Variants in MACROD2 observed in about 807,000 individuals in gnomAD.
MACROD2 encodes the protein ADP-ribose glycohydrolase MACROD2.
A neutral mutation model predicts 70.4 loss-of-function variants in MACROD2; 36 were observed. The observed-to-expected ratio is 0.51, with a 90% CI of 0.39 to 0.68. The LOEUF is 0.68. Ranked by LOEUF, MACROD2 falls within the 30% of genes least tolerant of loss-of-function variation. The pLI is 0.00. For synonymous variants in MACROD2, 172 were observed against 178.8 expected (o/e 0.96, Z 0.30); for missense variants, 496 against 538.4 (o/e 0.92, Z 0.78).
chr20:15,655,170 C>T (rs754392379), intron 8 of MACROD2, among the ~76,000 whole-genome samples: 2 of 151,672 alleles, frequency 1.3e-5, no homozygotes, highest in Non-Finnish European at 2.9e-5. Flanking sequence ...GTGTAAAACA[C>T]ATTCTCAAAA....
In MACROD2 at chr20:15,854,094, G is replaced by A. The variant is rs149683372; in HGVS notation, c.646-8651G>A. On this transcript the variant is annotated intron_variant, in intron 8 of 17. Coordinates refer to ENST00000684519, the MANE Select transcript of MACROD2 (RefSeq NM_001351661.2). ...TTCAGTTTTCTCCCCTTCAGGGTGC[G>A]TAGAACCTTCAAATATGATGGGGTA... is the stretch of plus-strand genomic sequence containing the variant. 1.2e-3 allele frequency among the ~76,000 whole-genome samples: 180 copies of A among 152,258 alleles called. 4 individuals are homozygous for A. The East Asian group carries it at 0.022, about 19-fold the overall frequency.
At chr20:14,567,817 A>G (rs895252551) in intron 4 of MACROD2, among the ~76,000 whole-genome samples, 1 of 152,120 alleles carries the variant, frequency 6.6e-6, no homozygotes, top group Non-Finnish European at 1.5e-5. Flanking sequence ...TAACAAATAT[A>G]AACAAGTTAG....
chr20:15,913,982 T>C (rs577277773), intron 10 of MACROD2, among the ~76,000 whole-genome samples: 10 of 152,340 alleles, frequency 6.6e-5, no homozygotes, highest in African/African-American at 2.2e-4. Context: ...ATACTGTTTG[T>C]TTTCCTGTGT....
At chr20:14,505,182 T>C (rs1215267806) in intron 4 of MACROD2, among the ~76,000 whole-genome samples, 1 of 152,200 alleles carries the variant, frequency 6.6e-6, no homozygotes, top group Non-Finnish European at 1.5e-5. Context: ...TACAAGAATA[T>C]ATCTTCATAG....
At chr20:15,780,457 G>C (rs2051812200) in intron 8 of MACROD2, among the ~76,000 whole-genome samples, 1 of 152,024 alleles carries the variant, frequency 6.6e-6, no homozygotes, top group African/African-American at 2.4e-5. Flanking sequence ...AGCTGAGTGG[G>C]GAACGGGAAG....
intron 5 of MACROD2, among the ~76,000 whole-genome samples, chr20:14,827,829 T>A (rs543126764): frequency 1.4e-4 from 22 of 152,196 alleles, no homozygotes; most frequent in African/African-American, 5.1e-4. Flanking sequence ...TTAATAAACA[T>A]TTGACATTTA....
At chr20:15,284,523 A>G (rs191591346) in intron 6 of MACROD2, among the ~76,000 whole-genome samples, 3 of 151,712 alleles carry the variant, frequency 2.0e-5, no homozygotes, top group African/African-American at 7.3e-5. Flanking sequence ...CATGAAATCT[A>G]TTTTTCTCTC....
chr20:15,817,508 A>G (rs2063889796), intron 8 of MACROD2, among the ~76,000 whole-genome samples: 1 of 152,208 alleles, frequency 6.6e-6, no homozygotes, highest in Non-Finnish European at 1.5e-5. Context: ...AATGGTATCT[A>G]ATGAGTTCAT....
At chr20:14,641,819 C>T (rs1355439405) in intron 4 of MACROD2, among the ~76,000 whole-genome samples, 2 of 152,178 alleles carry the variant, frequency 1.3e-5, no homozygotes, top group Non-Finnish European at 2.9e-5. Flanking sequence ...TTATAAAGCA[C>T]AGTTAGAGTA....
chr20:15,705,207 G>A (rs2050515501), intron 8 of MACROD2, among the ~76,000 whole-genome samples: 3 of 151,978 alleles, frequency 2.0e-5, no homozygotes, highest in Admixed American at 2.0e-4. Flanking sequence ...TAAATACCAG[G>A]TAAATTAACA....
At chr20:15,285,925 A>C (rs770161218) in intron 6 of MACROD2, among the ~76,000 whole-genome samples, 2 of 152,138 alleles carry the variant, frequency 1.3e-5, no homozygotes, top group Non-Finnish European at 2.9e-5. Flanking sequence ...TGGCAATTCT[A>C]AATGATTAAT....
In MACROD2 at chr20:15,630,456, A is replaced by G. The variant is rs541870417; in HGVS notation, c.645+130609A>G. Among the ~76,000 whole-genome samples the G allele has an allele frequency of 1.2e-4, 19 of 152,336 alleles. No homozygotes were observed. The South Asian group carries it at 3.9e-3, about 32-fold the overall frequency. ...CTTTAGTAGGCATGTCATACATTATAGTAGTTTTTGTGACCCTCTCATCTC... is the reference window on the plus strand; with the variant it reads ...CTTTAGTAGGCATGTCATACATTATGGTAGTTTTTGTGACCCTCTCATCTC... On this transcript the variant is annotated intron_variant, in intron 8 of 17. Transcript: ENST00000684519.
chr20:14,018,445 C>A (rs2053023423), intron 2 of MACROD2, among the ~76,000 whole-genome samples: 1 of 152,086 alleles, frequency 6.6e-6, no homozygotes, highest in Non-Finnish European at 1.5e-5. Flanking sequence ...ACTGCATGCT[C>A]TAAGTTTTGA....
intron 5 of MACROD2, among the ~76,000 whole-genome samples, chr20:14,794,537 G>A (rs944291163): frequency 1.3e-5 from 2 of 152,084 alleles, no homozygotes; most frequent in Non-Finnish European, 2.9e-5. Flanking sequence ...TTTAAAATAA[G>A]AGATATTTCT....
chr20:15,034,942 C>A (rs1354735074), intron 5 of MACROD2, among the ~76,000 whole-genome samples: 1 of 152,130 alleles, frequency 6.6e-6, no homozygotes, highest in Non-Finnish European at 1.5e-5. Flanking sequence ...TGTTTTATAT[C>A]TTTAATTGTT....
At chr20:14,145,040 CCCAATTCCT>C (rs1405156858) in intron 3 of MACROD2, among the ~76,000 whole-genome samples, 1 of 152,104 alleles carries the variant, frequency 6.6e-6, no homozygotes, top group Non-Finnish European at 1.5e-5. Flanking sequence ...TCTGGATTTC[CCCAATTCCT>C]CCAGGTTTTC....
rs186083745 is a variant in MACROD2, at chr20:15,396,023, C to T, written c.541-35382C>T. 8.9e-4 allele frequency among the ~76,000 whole-genome samples: 136 copies of T among 152,290 alleles called. 1 individual carries two copies. The highest frequency in any genetic ancestry group is 1.7e-3 in the Non-Finnish European group (114 of 68,026). On this transcript the variant is annotated intron_variant, in intron 6 of 17. Transcript: ENST00000684519. Reference sequence around the variant, plus strand: ...AAATAACGTACATCAAGGAGGGAATCACTGGCAGTAGCTTAATTTGTTCAT... The same window carrying T: ...AAATAACGTACATCAAGGAGGGAATTACTGGCAGTAGCTTAATTTGTTCAT...
chr20:15,194,573 A>G (rs1786051724), intron 5 of MACROD2, among the ~76,000 whole-genome samples: 1 of 152,118 alleles, frequency 6.6e-6, no homozygotes, highest in African/African-American at 2.4e-5. Context: ...AACATCAATA[A>G]TATGTATATA....
chr20:15,823,656 T>C (rs2063965811), intron 8 of MACROD2, among the ~76,000 whole-genome samples: 1 of 152,218 alleles, frequency 6.6e-6, no homozygotes, highest in South Asian at 2.1e-4. Context: ...TGCAATTCAC[T>C]TAATTGGACT....
Sources: allele counts gnomAD v4.1 joint callset (sites outside exome capture counted in the v4.1 genomes callset), GRCh38; gene constraint gnomAD v4.1.1; transcripts MANE v1.5; gene names NCBI Gene and HGNC (gene_info 2026-07-23, HGNC 2026-07-21).